RABGAP1L: variants seen among roughly 807,000 people sequenced by gnomAD.
RABGAP1L encodes RAB GTPase activating protein 1 like.
In RABGAP1L, 63 loss-of-function variants were observed where a neutral mutation model predicts 137.7. That is an observed-to-expected ratio of 0.46 (90% confidence interval 0.37 to 0.56). The LOEUF (loss-of-function observed/expected upper bound fraction) is 0.56, where lower values mean the gene tolerates loss of function less well. Among genes scored for constraint, RABGAP1L ranks in the 20% least tolerant of loss-of-function variants. The pLI is 0.00. For missense variants in RABGAP1L, 1,095 were observed against 1,244.0 expected, an observed-to-expected ratio of 0.88 and a Z score of 1.80; for synonymous variants, 431 against 433.7, an observed-to-expected ratio of 0.99 and a Z score of 0.08.
intron 19 of RABGAP1L, among the ~76,000 whole-genome samples, chr1:174,904,179 A>G (rs1418358552): frequency 1.3e-5 from 2 of 151,914 alleles, no homozygotes; most frequent in Non-Finnish European, 2.9e-5. Flanking sequence ...CTTGAGGAAA[A>G]TCTTTCCCCA....
At chr1:174,615,485 A>T (rs1671739483) in intron 13 of RABGAP1L, among the ~76,000 whole-genome samples, 2 of 152,054 alleles carry the variant, frequency 1.3e-5, no homozygotes, top group South Asian at 2.1e-4. Context: ...GTCTGCCCCT[A>T]CTTGGGGGTG....
chr1:174,690,824 T>A (rs189784127), intron 15 of RABGAP1L, among the ~76,000 whole-genome samples: 17 of 147,194 alleles, frequency 1.2e-4, no homozygotes, highest in South Asian at 2.1e-4. Flanking sequence ...TTCACCAGCA[T>A]TCATCTTTTT....
chr1:174,272,378 A>G, intron 7 of RABGAP1L, 36 bp from the exon 8 acceptor site: 1 of 1,595,722 alleles, frequency 6.3e-7, no homozygotes, highest in Non-Finnish European at 8.5e-7. Flanking sequence ...TATTCTTGAT[A>G]CCTTATTTCT....
intron 23 of RABGAP1L, among the ~76,000 whole-genome samples, chr1:174,980,583 G>T (rs762757521): frequency 4.6e-5 from 7 of 152,232 alleles, no homozygotes; most frequent in Non-Finnish European, 1.0e-4. Flanking sequence ...AGGCATGGAA[G>T]TAGATTAGTG....
intron 13 of RABGAP1L, among the ~76,000 whole-genome samples, chr1:174,433,576 G>C (rs888551031): frequency 1.3e-5 from 2 of 152,266 alleles, no homozygotes; most frequent in East Asian, 1.9e-4. Context: ...TGTATAACTG[G>C]CATTTGATAT....
intron 10 of RABGAP1L, among the ~76,000 whole-genome samples, chr1:174,279,915 A>G (rs1487098634): frequency 6.6e-6 from 1 of 152,114 alleles, no homozygotes; most frequent in East Asian, 1.9e-4. Flanking sequence ...ATCGTGAATA[A>G]AGGAGCTGGA....
intron 18 of RABGAP1L, among the ~76,000 whole-genome samples, chr1:174,810,464 G>A (rs995186030): frequency 3.9e-5 from 6 of 152,278 alleles, no homozygotes; most frequent in South Asian, 2.1e-4. Flanking sequence ...TGGTGATGAC[G>A]AAAACTGAGA....
At chr1:174,946,912 AAAAAAAT>A (rs1666869115) in intron 19 of RABGAP1L, among the ~76,000 whole-genome samples, 3 of 50,416 alleles carry the variant, frequency 6.0e-5, no homozygotes, top group Non-Finnish European at 1.1e-4. Context: ...AAAAAAAAAA[AAAAAAAT>A]ATATATATAT....
Position 174,326,778 on chromosome 1 carries a change from C to G in RABGAP1L, c.1465+21651C>G, listed in dbSNP as rs1680472852. Reference sequence around the variant, plus strand: ...TATATTAGAAACAAACTGCCAAAGACAAAGAGTGGATATTGAAAGCAGAAA... The same window carrying G: ...TATATTAGAAACAAACTGCCAAAGAGAAAGAGTGGATATTGAAAGCAGAAA... On this transcript the variant is annotated intron_variant, in intron 11 of 25. Coordinates refer to ENST00000681986, the MANE Select transcript of RABGAP1L (RefSeq NM_001366446.1). Among the ~76,000 whole-genome samples the G allele has an allele frequency of 3.3e-5, 5 of 152,004 alleles. No homozygotes were observed. The South Asian group carries it at 1.0e-3, about 32-fold the overall frequency.
chr1:174,500,023 T>G (rs12070505), intron 13 of RABGAP1L, among the ~76,000 whole-genome samples: 18,129 of 151,962 alleles, frequency 0.12, 3,654 homozygotes, highest in African/African-American at 0.41. Context: ...GAAAGAAAAT[T>G]ATGTTTGGAG....
At chr1:174,633,466 A>C (rs955612391) in intron 13 of RABGAP1L, among the ~76,000 whole-genome samples, 1 of 151,648 alleles carries the variant, frequency 6.6e-6, no homozygotes, top group Non-Finnish European at 1.5e-5. Context: ...GCCCAAGGTA[A>C]TTTATAGATT....
intron 13 of RABGAP1L, among the ~76,000 whole-genome samples, chr1:174,468,406 C>A (rs1657537347): frequency 6.6e-6 from 1 of 152,078 alleles, no homozygotes; most frequent in South Asian, 2.1e-4. Context: ...TTAAGTAATT[C>A]TGCTTTATTA....
intron 17 of RABGAP1L, among the ~76,000 whole-genome samples, chr1:174,708,640 C>T (rs1265609471): frequency 1.3e-5 from 2 of 152,188 alleles, no homozygotes; most frequent in Non-Finnish European, 2.9e-5. Flanking sequence ...CCATGGTCTT[C>T]GCAACCTACA....
At chr1:174,758,686 A>C (rs905195196) in intron 18 of RABGAP1L, among the ~76,000 whole-genome samples, 3 of 151,466 alleles carry the variant, frequency 2.0e-5, no homozygotes, top group South Asian at 2.1e-4. Flanking sequence ...TTTCTCATCT[A>C]CTCCTCAGGT....
intron 13 of RABGAP1L, among the ~76,000 whole-genome samples, chr1:174,560,533 G>C (rs74126835): frequency 0.012 from 1,875 of 152,308 alleles, 49 homozygotes; most frequent in African/African-American, 0.043. Context: ...AATTGCTGCT[G>C]ATGGAGAACC....
At chr1:174,848,551 G>C (rs1210003230) in intron 19 of RABGAP1L, among the ~76,000 whole-genome samples, 2 of 148,792 alleles carry the variant, frequency 1.3e-5, no homozygotes, top group South Asian at 2.1e-4. Context: ...GGGGTCAGGG[G>C]TCAGGGACCC....
intron 18 of RABGAP1L, among the ~76,000 whole-genome samples, chr1:174,784,509 C>T (rs558347049): frequency 2.6e-5 from 4 of 152,106 alleles, no homozygotes; most frequent in Admixed American, 1.3e-4. Flanking sequence ...CCCCAGCAAG[C>T]GTGGGACTGG....
At chr1:174,232,999 C>T (rs1244426078) in intron 4 of RABGAP1L, among the ~76,000 whole-genome samples, 1 of 152,084 alleles carries the variant, frequency 6.6e-6, no homozygotes, top group Admixed American at 6.6e-5. Flanking sequence ...TCACAGTTCT[C>T]GTGGTTGGGA....
rs1665585988 is a variant in RABGAP1L at position 174,542,747 on chromosome 1, C to T, written c.1711-94628C>T. Among the ~76,000 whole-genome samples the T allele has an allele frequency of 2.6e-5, 4 of 152,314 alleles. No individual in the cohort carries two copies. The South Asian group carries it at 8.3e-4, about 32-fold the overall frequency. On this transcript the variant is annotated intron_variant, in intron 13 of 25. Transcript: ENST00000681986. ...TGGGCATTTAGTGCTATAAATTTCC[C>T]TCTACACATTGCTTTAAATGTGTCC...
Sources: gnomAD v4.1 joint callset for allele counts (sites outside exome capture counted in the v4.1 genomes callset) on GRCh38, gnomAD v4.1.1 for gene constraint, MANE v1.5 for transcripts, NCBI Gene and HGNC (gene_info 2026-07-23, HGNC 2026-07-21) for gene names.